Variants in SLC35F4 observed in about 807,000 individuals in gnomAD.
SLC35F4 encodes chromosome 14 open reading frame 36.
Under a neutral mutation model 44.2 loss-of-function variants are expected in SLC35F4, and 24 were observed. The ratio of observed to expected loss-of-function variants is 0.54; its 90% CI spans 0.39 to 0.76. The LOEUF (loss-of-function observed/expected upper bound fraction) is 0.76, where lower values mean the gene tolerates loss of function less well. SLC35F4 is among the 30% of genes least tolerant of loss of function. The pLI, the probability that SLC35F4 is intolerant of heterozygous loss-of-function variation, is 0.00. For synonymous variants in SLC35F4, 238 were observed against 223.6 expected (o/e 1.06, Z -0.57); for missense variants, 562 against 586.1 (o/e 0.96, Z 0.42).
At chr14:57,617,130 C>T (rs201538121) in intron 1 of SLC35F4, among the ~76,000 whole-genome samples, 69 of 99,230 alleles carry the variant, frequency 7.0e-4, no homozygotes, top group South Asian at 1.1e-3. Flanking sequence ...TGTACTTATT[C>T]TTTTTTTTTT....
intron 1 of SLC35F4, among the ~76,000 whole-genome samples, chr14:57,614,952 G>A (rs948245218): frequency 2.0e-5 from 3 of 152,222 alleles, no homozygotes; most frequent in African/African-American, 7.2e-5. Flanking sequence ...GGTGGGACCA[G>A]AAATTCTATG....
At chr14:57,799,243 G>C (rs541682422) in intron 1 of SLC35F4, among the ~76,000 whole-genome samples, 1 of 152,182 alleles carries the variant, frequency 6.6e-6, no homozygotes, top group African/African-American at 2.4e-5. Context: ...AGCAGTGATT[G>C]TGCAGCCCCA....
chr14:57,681,748 T>TCA (rs1202266715), intron 1 of SLC35F4, among the ~76,000 whole-genome samples: 1 of 152,024 alleles, frequency 6.6e-6, no homozygotes, highest in Non-Finnish European at 1.5e-5. Context: ...CAATCTATCC[T>TCA]TCTGACAAAG....
At chr14:57,616,845 G>A (rs1692143208) in intron 1 of SLC35F4, among the ~76,000 whole-genome samples, 5 of 151,956 alleles carry the variant, frequency 3.3e-5, no homozygotes. Context: ...TTGACACTGT[G>A]GGTCAGCCTC....
chr14:57,627,036 A>G (rs570164875), intron 1 of SLC35F4, among the ~76,000 whole-genome samples: 52 of 152,266 alleles, frequency 3.4e-4, no homozygotes, highest in African/African-American at 1.3e-3. Context: ...CCTGGTCTAT[A>G]GTAACTCCAA....
chr14:57,579,538 A>G (rs577849947), intron 4 of SLC35F4: 5 of 152,110 alleles, frequency 3.3e-5, no homozygotes, highest in Non-Finnish European at 5.9e-5. Flanking sequence ...TATGGATTTA[A>G]TGTTGGTATT....
chr14:57,909,359 A>G (rs1889170856), intron 1 of SLC35F4, among the ~76,000 whole-genome samples: 2 of 152,154 alleles, frequency 1.3e-5, no homozygotes, highest in Admixed American at 1.3e-4. Flanking sequence ...ATAAATATAT[A>G]GTAACAAGTA....
chr14:57,928,740 T>C (rs1889632529), intron 1 of SLC35F4, among the ~76,000 whole-genome samples: 1 of 152,186 alleles, frequency 6.6e-6, no homozygotes, highest in Non-Finnish European at 1.5e-5. Flanking sequence ...AAAACCAAGA[T>C]GACAGAGATG....
At chr14:57,945,427 A>G (rs1369630226) in intron 1 of SLC35F4, among the ~76,000 whole-genome samples, 1 of 126,748 alleles carries the variant, frequency 7.9e-6, no homozygotes, top group African/African-American at 3.6e-5. Context: ...TTACCAGGTA[A>G]GAGCAATGAT....
At chr14:57,807,806 C>G (rs376457528) in intron 1 of SLC35F4, among the ~76,000 whole-genome samples, 5 of 151,548 alleles carry the variant, frequency 3.3e-5, no homozygotes, top group Admixed American at 6.6e-5. Context: ...GTCCTCATGC[C>G]GCTAATAAAG....
At chr14:57,680,597 C>T (rs2074864521) in intron 1 of SLC35F4, among the ~76,000 whole-genome samples, 1 of 152,084 alleles carries the variant, frequency 6.6e-6, no homozygotes, top group Admixed American at 6.5e-5. Flanking sequence ...TTGCAGATGA[C>T]ATGACTGTAT....
At position 57,571,882 on chromosome 14, in the gene SLC35F4, T is replaced by C. The variant is rs527878919; in HGVS notation, c.933+12A>G. 1.3e-5 allele frequency: 21 copies of C among 1,607,604 alleles called. No individual in the cohort carries two copies. Among genetic ancestry groups the C allele is most frequent in the Non-Finnish European group, 1.6e-5 (19 of 1,176,492 alleles). Reference sequence around the variant, plus strand: ...AGTGACAGTTGCTTACAAAAGAAAGTGCACAACATACCTTATATAATGCAG... The same window carrying C: ...AGTGACAGTTGCTTACAAAAGAAAGCGCACAACATACCTTATATAATGCAG... On this transcript the variant is annotated intron_variant, in intron 5 of 7. Coordinates refer to ENST00000556826, the MANE Select transcript of SLC35F4 (RefSeq NM_001306087.2).
chr14:57,683,574 C>A (rs1399176251), intron 1 of SLC35F4, among the ~76,000 whole-genome samples: 1 of 152,174 alleles, frequency 6.6e-6, no homozygotes, highest in African/African-American at 2.4e-5. Context: ...CATCAACTCC[C>A]AGTTGAAATC....
intron 1 of SLC35F4, among the ~76,000 whole-genome samples, chr14:57,626,067 CAA>C (rs1268338386): frequency 6.7e-6 from 1 of 149,212 alleles, no homozygotes; most frequent in East Asian, 1.9e-4. Flanking sequence ...CAAACTAACA[CAA>C]GAACAGAAAA....
intron 1 of SLC35F4, among the ~76,000 whole-genome samples, chr14:57,621,975 AAAAC>A (rs1307589126): frequency 6.6e-6 from 1 of 151,462 alleles, no homozygotes; most frequent in African/African-American, 2.4e-5. Context: ...TTACAAGAAA[AAAAC>A]AAACAACCCC....
At chr14:57,570,031 A>G in intron 5 of SLC35F4, 51 bp from the exon 6 acceptor site, 1 of 1,506,278 alleles carries the variant, frequency 6.6e-7, no homozygotes, top group Non-Finnish European at 8.9e-7. Flanking sequence ...GCCAGAGCAG[A>G]AACGTAAGTC....
intron 1 of SLC35F4, among the ~76,000 whole-genome samples, chr14:57,598,477 T>C (rs1198954720): frequency 6.6e-6 from 1 of 152,116 alleles, no homozygotes; most frequent in Non-Finnish European, 1.5e-5. Flanking sequence ...AGTAAAACAA[T>C]TGCTTAAAAA....
chr14:57,856,696 C>T (rs576881888), intron 1 of SLC35F4, among the ~76,000 whole-genome samples: 2 of 152,088 alleles, frequency 1.3e-5, no homozygotes, highest in South Asian at 2.1e-4. Flanking sequence ...ATTAATGGTA[C>T]TTATTTGTTA....
chr14:57,957,087 A>G (rs986862873), intron 1 of SLC35F4, among the ~76,000 whole-genome samples: 1 of 152,250 alleles, frequency 6.6e-6, no homozygotes, highest in African/African-American at 2.4e-5. Flanking sequence ...TGGCACATAT[A>G]TACCATGGAA....
Sources: allele counts gnomAD v4.1 joint callset (sites outside exome capture counted in the v4.1 genomes callset), GRCh38; gene constraint gnomAD v4.1.1; transcripts MANE v1.5; gene names NCBI Gene and HGNC (gene_info 2026-07-23, HGNC 2026-07-21).